The following NEO1 variants were observed in gnomAD, a reference collection of about 807,000 sequenced individuals.
The protein encoded by NEO1 is neogenin.
Under a neutral mutation model 159.7 loss-of-function variants are expected in NEO1, and 63 were observed. The observed-to-expected ratio is 0.39, with a 90% CI of 0.32 to 0.49. The LOEUF is 0.49. Ranked by LOEUF, NEO1 falls within the 20% of genes least tolerant of loss-of-function variation. The pLI, the probability that NEO1 is intolerant of heterozygous loss-of-function variation, is 0.85. For synonymous variants in NEO1, 633 were observed against 662.0 expected (o/e 0.96, Z 0.67); for missense variants, 1,615 against 1,831.0 (o/e 0.88, Z 2.15).
At chr15:73,301,808 C>T (rs896387075) in intron 28 of NEO1, among the ~76,000 whole-genome samples, 2 of 152,108 alleles carry the variant, frequency 1.3e-5, no homozygotes, top group African/African-American at 4.8e-5. Context: ...GCTGGAACTA[C>T]AGGCACCCAT....
chr15:73,281,381 AG>A (rs2041703790), intron 22 of NEO1, among the ~76,000 whole-genome samples: 1 of 150,972 alleles, frequency 6.6e-6, no homozygotes, highest in East Asian at 2.0e-4. Flanking sequence ...CAGCCTCCTG[AG>A]TAGCTGGGAC....
rs1348598305 is a variant in NEO1, at chr15:73,270,311, T to C, written c.2719-5T>C. 6.2e-7 allele frequency: 1 copy of C among 1,613,904 alleles called. No individual in the cohort carries two copies. The highest frequency in any genetic ancestry group is 1.3e-5 in the African/African-American group (1 of 74,920). On this transcript the variant is annotated splice_region_variant and splice_polypyrimidine_tract_variant and intron_variant, in intron 17 of 28. Coordinates refer to ENST00000261908, the MANE Select transcript of NEO1 (RefSeq NM_002499.4). ...TTTTAAAGTCTCAATTCATGTTTTTTTCAGAATGCAAATGCAACCACTTTG... is the reference window on the plus strand; with the variant it reads ...TTTTAAAGTCTCAATTCATGTTTTTCTCAGAATGCAAATGCAACCACTTTG...
chr15:73,233,661 G>C lies in NEO1; in HGVS notation c.1292-2686G>C, dbSNP rs556291831. 1.2e-4 allele frequency among the ~76,000 whole-genome samples: 18 copies of C among 152,208 alleles called. No individual in the cohort carries two copies. The South Asian group carries it at 3.7e-3, about 32-fold the overall frequency. ...TGCTGGATGCCGTTAAAGAGTTATA[G>C]ATCTGTGCTATGGAAGTTCAGTAGG... On this transcript the variant is annotated intron_variant, in intron 7 of 28. Coordinates refer to ENST00000261908, the MANE Select transcript of NEO1 (RefSeq NM_002499.4).
At chr15:73,089,245 C>T (rs1009708038) in intron 1 of NEO1, among the ~76,000 whole-genome samples, 1 of 151,870 alleles carries the variant, frequency 6.6e-6, no homozygotes, top group Non-Finnish European at 1.5e-5. Flanking sequence ...CTTTTTAAGA[C>T]CGGACATAAG....
At chr15:73,125,477 T>C (rs150686120) in intron 3 of NEO1, among the ~76,000 whole-genome samples, 18 of 152,336 alleles carry the variant, frequency 1.2e-4, no homozygotes, top group Middle Eastern at 3.4e-3. Context: ...CTTGTTACCA[T>C]GGCTACAAGA....
intron 7 of NEO1, among the ~76,000 whole-genome samples, chr15:73,197,350 C>A (rs538933913): frequency 2.0e-4 from 31 of 152,054 alleles, no homozygotes; most frequent in African/African-American, 7.2e-4. Flanking sequence ...CAGAGCGAGA[C>A]TCCATCTCAA....
At position 73,136,076 on chromosome 15, in the gene NEO1, G is replaced by A. The variant is rs770025870; in HGVS notation, c.1015+49G>A. 2.5e-5 allele frequency: 38 copies of A among 1,513,048 alleles called. No homozygotes were observed. The African/African-American group carries it at 4.5e-4, about 18-fold the overall frequency. The allele number at this position is 1,513,048 out of a possible 1,614,324, so 93.7% of individuals were successfully genotyped here. On this transcript the variant is annotated intron_variant, in intron 5 of 28. Transcript: ENST00000261908. ...TTTAAAAATCCTGTGTACTTTCTGG[G>A]TCTGCTAATTTTTAAGAAATATTAA...
rs138858214 is a variant in NEO1 at position 73,233,239 on chromosome 15, G to A, written c.1292-3108G>A. On this transcript the variant is annotated intron_variant, in intron 7 of 28. Transcript: ENST00000261908. Reference sequence around the variant, plus strand: ...GGGGAAAGCTGATAGAGAACACTGGGGCCACAGTGGGCATGGATTTTTCCC... The same window carrying A: ...GGGGAAAGCTGATAGAGAACACTGGAGCCACAGTGGGCATGGATTTTTCCC... Among the ~76,000 whole-genome samples, 66 of 152,182 alleles carry A rather than the reference G, an allele frequency of 4.3e-4. No homozygotes were observed. The Middle Eastern group carries it at 0.01, about 24-fold the overall frequency.
intron 1 of NEO1, among the ~76,000 whole-genome samples, chr15:73,110,014 C>T (rs763840642): frequency 2.0e-5 from 3 of 152,036 alleles, no homozygotes; most frequent in Non-Finnish European, 2.9e-5. Context: ...TTAAGTGTTG[C>T]CTGCTCTTAG....
rs1235017698 is a variant in NEO1 at position 73,227,696 on chromosome 15, T to C, written c.1292-8651T>C. 3.9e-5 allele frequency among the ~76,000 whole-genome samples: 6 copies of C among 152,206 alleles called. No individual in the cohort carries two copies. In the East Asian group the frequency reaches 9.6e-4, roughly 24 times the overall value. ...ACATTTGAAAATGTAATACCTTTTC[T>C]CAAATAGATTTCCCAGTGGCCTTTG... On this transcript the variant is annotated intron_variant, in intron 7 of 28. Coordinates refer to ENST00000261908, the MANE Select transcript of NEO1 (RefSeq NM_002499.4).
chr15:73,142,930 G>A (rs1413804293), intron 5 of NEO1, among the ~76,000 whole-genome samples: 2 of 152,128 alleles, frequency 1.3e-5, no homozygotes, highest in African/African-American at 4.8e-5. Context: ...GACTTACTTG[G>A]AAACTAGATC....
At chr15:73,265,511 C>T (rs954435214) in intron 15 of NEO1, among the ~76,000 whole-genome samples, 5 of 152,120 alleles carry the variant, frequency 3.3e-5, no homozygotes, top group Non-Finnish European at 7.4e-5. Flanking sequence ...AGGGTGAGAG[C>T]GAAGAGTGGG....
At chr15:73,090,967 A>G (rs982045182) in intron 1 of NEO1, among the ~76,000 whole-genome samples, 4 of 152,186 alleles carry the variant, frequency 2.6e-5, no homozygotes, top group East Asian at 1.9e-4. Flanking sequence ...GGCAGTTACT[A>G]TTATCCCAAT....
At chr15:73,182,501 C>T (rs1596281430) in intron 7 of NEO1, among the ~76,000 whole-genome samples, 1 of 152,088 alleles carries the variant, frequency 6.6e-6, no homozygotes, top group Admixed American at 6.6e-5. Context: ...TTCATTTTCA[C>T]ACTGCTGATA....
chr15:73,141,038 A>G lies in NEO1; in HGVS notation c.1015+5011A>G, dbSNP rs565290734. Among the ~76,000 whole-genome samples the G allele has an allele frequency of 7.2e-5, 11 of 152,320 alleles. 1 individual carries two copies. Among genetic ancestry groups the G allele is most frequent in the African/African-American group, 2.4e-4 (10 of 41,574 alleles). On this transcript the variant is annotated intron_variant, in intron 5 of 28. Coordinates refer to ENST00000261908, the MANE Select transcript of NEO1 (RefSeq NM_002499.4). ...TTTCTTAATCTGGGTGGTAGTTACA[A>G]TTCAAGCTGTATTGTTCATGTGTGC...
intron 26 of NEO1, among the ~76,000 whole-genome samples, chr15:73,295,996 G>A (rs569977608): frequency 6.6e-6 from 1 of 152,330 alleles, no homozygotes; most frequent in Admixed American, 6.5e-5. Context: ...TTTGCACACT[G>A]TCAGGGAGCA....
intron 7 of NEO1, among the ~76,000 whole-genome samples, chr15:73,212,773 CAA>C (rs2037655488): frequency 6.6e-6 from 1 of 150,666 alleles, no homozygotes; most frequent in Non-Finnish European, 1.5e-5. Flanking sequence ...AAAGGAAAAA[CAA>C]GGGAATGATT....
At chr15:73,262,465 C>G (rs2040663315) in intron 15 of NEO1, among the ~76,000 whole-genome samples, 1 of 151,974 alleles carries the variant, frequency 6.6e-6, no homozygotes, top group Non-Finnish European at 1.5e-5. Flanking sequence ...GACACTATAC[C>G]AAAGAAAATA....
chr15:73,108,948 A>G (rs2070828985), intron 1 of NEO1, among the ~76,000 whole-genome samples: 1 of 152,132 alleles, frequency 6.6e-6, no homozygotes. Flanking sequence ...GAAGTGTGAT[A>G]GGAGATTAGG....
Sources: gnomAD v4.1 joint callset for allele counts (sites outside exome capture counted in the v4.1 genomes callset) on GRCh38, gnomAD v4.1.1 for gene constraint, MANE v1.5 for transcripts, NCBI Gene and HGNC (gene_info 2026-07-23, HGNC 2026-07-21) for gene names.